Variants in CNTN5 observed in about 807,000 individuals in gnomAD.
CNTN5 encodes contactin-5.
In CNTN5, 77 loss-of-function variants were observed where a neutral mutation model predicts 129.1. The ratio of observed to expected loss-of-function variants is 0.60; its 90% CI spans 0.50 to 0.72. The LOEUF is 0.72. Among genes scored for constraint, CNTN5 ranks in the 30% least tolerant of loss-of-function variants. The pLI, the probability that CNTN5 is intolerant of heterozygous loss-of-function variation, is 0.00. For synonymous variants in CNTN5, 509 were observed against 465.6 expected (o/e 1.09, Z -1.20); for missense variants, 1,478 against 1,328.8 (o/e 1.11, Z -1.75).
At chr11:99,628,270 A>C (rs1951203168) in intron 3 of CNTN5, among the ~76,000 whole-genome samples, 1 of 152,042 alleles carries the variant, frequency 6.6e-6, no homozygotes, top group African/African-American at 2.4e-5. Context: ...AAATTTCATT[A>C]CCTATGCATT....
intron 3 of CNTN5, among the ~76,000 whole-genome samples, chr11:99,819,322 C>G (rs1412148339): frequency 2.4e-4 from 17 of 71,522 alleles, no homozygotes; most frequent in Non-Finnish European, 3.1e-4. Flanking sequence ...CTCCTCCCCT[C>G]CCCTCCCCTC....
intron 1 of CNTN5, among the ~76,000 whole-genome samples, chr11:99,105,710 T>C (rs1438878780): frequency 6.6e-6 from 1 of 152,160 alleles, no homozygotes; most frequent in Non-Finnish European, 1.5e-5. Context: ...ATAGAAGTAG[T>C]AGGAAAACCT....
At chr11:99,305,502 T>A (rs1290741184) in intron 1 of CNTN5, among the ~76,000 whole-genome samples, 2 of 152,186 alleles carry the variant, frequency 1.3e-5, no homozygotes, top group African/African-American at 4.8e-5. Flanking sequence ...TGATGTGATA[T>A]ATTAAAAATG....
chr11:99,549,434 C>A (rs1371234493), intron 2 of CNTN5, among the ~76,000 whole-genome samples: 1 of 152,082 alleles, frequency 6.6e-6, no homozygotes, highest in Admixed American at 6.6e-5. Context: ...TCCCCCACTT[C>A]CAAAGCAGCC....
chr11:100,076,083 G>GT (rs1944115166), intron 13 of CNTN5, among the ~76,000 whole-genome samples: 1 of 152,032 alleles, frequency 6.6e-6, no homozygotes, highest in Non-Finnish European at 1.5e-5. Flanking sequence ...AATATTAGTG[G>GT]ATTTTTGCTC....
chr11:99,247,152 T>A (rs73534954), intron 1 of CNTN5, among the ~76,000 whole-genome samples: 1 of 152,142 alleles, frequency 6.6e-6, no homozygotes, highest in East Asian at 1.9e-4. Flanking sequence ...GATAATTTTC[T>A]GGAGTTATTA....
rs553900608 is a variant in CNTN5 at position 99,744,807 on chromosome 11, G to A, written c.56-74737G>A. Among the ~76,000 whole-genome samples the A allele has an allele frequency of 5.3e-5, 8 of 151,864 alleles. No homozygotes were observed. The East Asian group carries it at 5.8e-4, about 11-fold the overall frequency. On this transcript the variant is annotated intron_variant, in intron 3 of 24. Coordinates refer to ENST00000524871, the MANE Select transcript of CNTN5 (RefSeq NM_014361.4). ...CTAACCCTGTACTCAGAAAGACTGC[G>A]ACTCTTTAAGCACAGAAGAAGTAAA...
chr11:99,487,550 A>AC (rs554201454), intron 2 of CNTN5, among the ~76,000 whole-genome samples: 455 of 152,292 alleles, frequency 3.0e-3, no homozygotes, highest in Non-Finnish European at 5.1e-3. Flanking sequence ...ACAAAATCAA[A>AC]CGTAATAGTC....
At chr11:99,078,824 A>T (rs574499193) in intron 1 of CNTN5, among the ~76,000 whole-genome samples, 1 of 152,176 alleles carries the variant, frequency 6.6e-6, no homozygotes, top group East Asian at 1.9e-4. Context: ...GGGAAGTGGG[A>T]TTGGTTAGTG....
intron 9 of CNTN5, among the ~76,000 whole-genome samples, chr11:100,057,474 CACTT>C (rs1242286034): frequency 4.0e-5 from 6 of 151,640 alleles, no homozygotes; most frequent in Non-Finnish European, 7.4e-5. Flanking sequence ...TAATTTATCT[CACTT>C]AATCTTCAAA....
intron 9 of CNTN5, among the ~76,000 whole-genome samples, chr11:100,051,760 A>G (rs1313989981): frequency 6.6e-6 from 1 of 151,942 alleles, no homozygotes; most frequent in East Asian, 1.9e-4. Context: ...TGAAAGAGGA[A>G]ACATCACTAC....
chr11:99,370,273 G>A (rs1311372515), intron 2 of CNTN5, among the ~76,000 whole-genome samples: 1 of 152,140 alleles, frequency 6.6e-6, no homozygotes, highest in African/African-American at 2.4e-5. Context: ...TTAATTTTCT[G>A]AAATGTCACC....
At chr11:99,755,012 C>A (rs527482263) in intron 3 of CNTN5, among the ~76,000 whole-genome samples, 5 of 152,146 alleles carry the variant, frequency 3.3e-5, no homozygotes, top group African/African-American at 1.2e-4. Flanking sequence ...TGGAATCATA[C>A]AGTAGGTAGT....
intron 3 of CNTN5, among the ~76,000 whole-genome samples, chr11:99,595,147 A>T (rs1950087016): frequency 6.6e-6 from 1 of 152,158 alleles, no homozygotes; most frequent in African/African-American, 2.4e-5. Flanking sequence ...GTTCTGTTAC[A>T]CACTAGGGTG....
chr11:99,700,665 G>A (rs886560196), intron 3 of CNTN5, among the ~76,000 whole-genome samples: 4 of 151,332 alleles, frequency 2.6e-5, no homozygotes, highest in South Asian at 2.1e-4. Flanking sequence ...AATGGTGGCC[G>A]AGTAACGGTA....
At chr11:99,483,365 A>G (rs113020468) in intron 2 of CNTN5, among the ~76,000 whole-genome samples, 1 of 152,054 alleles carries the variant, frequency 6.6e-6, no homozygotes, top group Non-Finnish European at 1.5e-5. Flanking sequence ...TCTCATGCAC[A>G]GTGTCAACAA....
chr11:99,766,618 G>A (rs555324996), intron 3 of CNTN5, among the ~76,000 whole-genome samples: 4 of 152,084 alleles, frequency 2.6e-5, no homozygotes, highest in Admixed American at 1.3e-4. Flanking sequence ...TTTGCCAAAC[G>A]TCATTCCATA....
intron 18 of CNTN5, among the ~76,000 whole-genome samples, chr11:100,289,770 CAGG>C (rs749828825): frequency 8.0e-5 from 12 of 150,160 alleles, no homozygotes; most frequent in Non-Finnish European, 1.2e-4. Context: ...GGCAATCAGG[CAGG>C]AGAAGGAAAT....
chr11:99,628,754 C>T (rs605005), intron 3 of CNTN5, among the ~76,000 whole-genome samples: 92,705 of 151,390 alleles, frequency 0.61, 29,267 homozygotes, highest in Admixed American at 0.74. Context: ...GGGAAATAAA[C>T]TGGCATCAAT....
Sources: gnomAD v4.1 joint callset for allele counts (sites outside exome capture counted in the v4.1 genomes callset) on GRCh38, gnomAD v4.1.1 for gene constraint, MANE v1.5 for transcripts, NCBI Gene and HGNC (gene_info 2026-07-23, HGNC 2026-07-21) for gene names.